The following AHI1 variants were observed in gnomAD, a reference collection of about 807,000 sequenced individuals.
AHI1 encodes jouberin.
AHI1 carries 123 observed loss-of-function variants against 149.3 expected under a neutral mutation model. The observed-to-expected ratio is 0.82, with a 90% CI of 0.71 to 0.96. AHI1 has a LOEUF of 0.96. AHI1 is among the 40% of genes least tolerant of loss of function. The pLI is 0.00. For synonymous variants in AHI1, 475 were observed against 459.8 expected (o/e 1.03, Z -0.42); for missense variants, 1,439 against 1,422.7 (o/e 1.01, Z -0.18).
intron 24 of AHI1, among the ~76,000 whole-genome samples, chr6:135,344,056 T>C (rs891463060): frequency 6.6e-6 from 1 of 152,030 alleles, no homozygotes; most frequent in Non-Finnish European, 1.5e-5. Flanking sequence ...ACAAAATCTG[T>C]GGATGTTCAA....
chr6:135,285,328 TAGC>T lies in AHI1; in HGVS notation c.*314_*316del. Reference sequence around the variant, plus strand: ...ACACCTTTTATTCACATTTGCTGAGTAGCAATTACAGTGTTTTCTTCATTAGTT... The same window carrying T: ...ACACCTTTTATTCACATTTGCTGAGTAATTACAGTGTTTTCTTCATTAGTT... On this transcript the variant is annotated 3_prime_UTR_variant, in exon 29 of 29. Coordinates refer to ENST00000265602, the MANE Select transcript of AHI1 (RefSeq NM_001134831.2). 1 of 426,308 alleles carries T rather than the reference TAGC, an allele frequency of 2.3e-6. No individual in the cohort carries two copies. The highest frequency in any genetic ancestry group is 4.2e-6 in the Non-Finnish European group (1 of 236,300). The allele number at this position is 426,308 out of a possible 1,614,324, so 26.4% of individuals were successfully genotyped here.
At chr6:135,416,017 A>G (rs945428969) in intron 20 of AHI1, among the ~76,000 whole-genome samples, 6 of 152,160 alleles carry the variant, frequency 3.9e-5, no homozygotes, top group Non-Finnish European at 7.4e-5. Context: ...AAAGGGCACA[A>G]AGTAACTTTT....
chr6:135,389,184 A>G (rs1207437954), intron 23 of AHI1, among the ~76,000 whole-genome samples: 4 of 150,016 alleles, frequency 2.7e-5, no homozygotes, highest in South Asian at 2.1e-4. Context: ...GGTGGCGGGC[A>G]CCTGTAGTCC....
At chr6:135,312,323 G>A (rs1246710308) in intron 26 of AHI1, among the ~76,000 whole-genome samples, 1 of 152,060 alleles carries the variant, frequency 6.6e-6, no homozygotes, top group Non-Finnish European at 1.5e-5. Flanking sequence ...GGCCAGCCTG[G>A]CCAAACTAGT....
Position 135,455,940 on chromosome 6 carries a change from G to T in AHI1, c.1152-14C>A. On this transcript the variant is annotated splice_polypyrimidine_tract_variant and intron_variant, in intron 9 of 28. Coordinates refer to ENST00000265602, the MANE Select transcript of AHI1 (RefSeq NM_001134831.2). ...ACAGGCCGTCCACTGTACAAAAAAA[G>T]ATACTTCCATTAACACAATTTTCAT... The T allele has an allele frequency of 7.2e-7, 1 of 1,381,252 alleles. No individual in the cohort carries two copies. Among genetic ancestry groups the T allele is most frequent in the Non-Finnish European group, 9.5e-7 (1 of 1,054,094 alleles). 85.6% of individuals were successfully genotyped at this position (1,381,252 alleles called of 1,614,324 possible).
At chr6:135,295,614 T>C (rs150603794) in intron 27 of AHI1, among the ~76,000 whole-genome samples, 24 of 152,244 alleles carry the variant, frequency 1.6e-4, no homozygotes, top group African/African-American at 5.5e-4. Flanking sequence ...GATTCAAAGG[T>C]CCATCCACAA....
chr6:135,383,226 CTTTTTTTT>C (rs764546253), intron 23 of AHI1, among the ~76,000 whole-genome samples: 1 of 76,870 alleles, frequency 1.3e-5, no homozygotes, highest in Non-Finnish European at 2.2e-5. Context: ...TCCCCCCTCC[CTTTTTTTT>C]TTTTTTTTTT....
intron 5 of AHI1, among the ~76,000 whole-genome samples, chr6:135,476,420 G>C (rs918912040): frequency 1.3e-5 from 2 of 150,840 alleles, no homozygotes; most frequent in African/African-American, 4.9e-5. Context: ...TGTCTGTCTC[G>C]GTGAATATTC....
intron 5 of AHI1, among the ~76,000 whole-genome samples, chr6:135,482,459 GC>G (rs1793802880): frequency 6.6e-6 from 1 of 150,748 alleles, no homozygotes; most frequent in Non-Finnish European, 1.5e-5. Context: ...GGCCATGCCA[GC>G]CCACCACTGT....
chr6:135,360,206 CATA>C (rs1168166545), intron 23 of AHI1, among the ~76,000 whole-genome samples: 3 of 152,112 alleles, frequency 2.0e-5, no homozygotes, highest in Admixed American at 1.3e-4. Flanking sequence ...ATTGAAAGCT[CATA>C]ATAAGTAGCA....
intron 23 of AHI1, among the ~76,000 whole-genome samples, chr6:135,375,162 T>C (rs1041587415): frequency 1.3e-5 from 2 of 152,218 alleles, no homozygotes; most frequent in Non-Finnish European, 2.9e-5. Context: ...TGTAGCATCA[T>C]ATAAATGTGA....
intron 24 of AHI1, among the ~76,000 whole-genome samples, chr6:135,352,733 ACAC>A (rs1385750145): frequency 9.4e-5 from 14 of 149,298 alleles, no homozygotes; most frequent in Non-Finnish European, 1.3e-4. Flanking sequence ...ACACACACAC[ACAC>A]AATATATATA....
intron 23 of AHI1, among the ~76,000 whole-genome samples, chr6:135,364,752 C>T (rs960232053): frequency 1.1e-4 from 16 of 152,352 alleles, no homozygotes; most frequent in Admixed American, 4.6e-4. Flanking sequence ...ACCAGTCAGG[C>T]GTGGCGGCGC....
chr6:135,443,908 T>A (rs1015265203), intron 13 of AHI1, among the ~76,000 whole-genome samples: 3 of 152,148 alleles, frequency 2.0e-5, no homozygotes, highest in African/African-American at 7.2e-5. Context: ...GGAGGCTTTA[T>A]AACCACTTGC....
chr6:135,329,686 T>C lies in AHI1; in HGVS notation c.3166-6362A>G, dbSNP rs77952217. 4.0e-3 allele frequency among the ~76,000 whole-genome samples: 612 copies of C among 152,324 alleles called. 1 individual carries two copies. Among genetic ancestry groups the C allele is most frequent in the African/African-American group, 0.014 (588 of 41,556 alleles). ...AGTTTTGACTTTCAGGTTTTGTTATTTAAGAAATGTATTTCTTAAGTCCAT... is the reference window on the plus strand; with the variant it reads ...AGTTTTGACTTTCAGGTTTTGTTATCTAAGAAATGTATTTCTTAAGTCCAT... On this transcript the variant is annotated intron_variant, in intron 24 of 28. Coordinates refer to ENST00000265602, the MANE Select transcript of AHI1 (RefSeq NM_001134831.2).
intron 5 of AHI1, among the ~76,000 whole-genome samples, chr6:135,487,415 T>C (rs1794638847): frequency 6.6e-6 from 1 of 152,162 alleles, no homozygotes; most frequent in Non-Finnish European, 1.5e-5. Context: ...CATATACATA[T>C]ATCTAATGTA....
chr6:135,380,366 TATAAG>T (rs1347786259), intron 23 of AHI1, among the ~76,000 whole-genome samples: 1 of 152,166 alleles, frequency 6.6e-6, no homozygotes, highest in Non-Finnish European at 1.5e-5. Flanking sequence ...TATTAGGTAT[TATAAG>T]TAATCTAGAG....
At chr6:135,298,920 A>C (rs936544946) in intron 27 of AHI1, among the ~76,000 whole-genome samples, 2 of 152,132 alleles carry the variant, frequency 1.3e-5, no homozygotes, top group African/African-American at 4.8e-5. Context: ...AAGTTCTAAA[A>C]ATTTTTATGA....
At position 135,362,876 on chromosome 6, in the gene AHI1, A is replaced by G. The variant is rs751917859; in HGVS notation, c.3110-4689T>C. The stretch of plus-strand genomic sequence containing the variant: ...AAGCCTTTTAGTTTAAGTTCCATCT[A>G]TTTATCTTTGTTTTTGTTGCAATTG... On this transcript the variant is annotated intron_variant, in intron 23 of 28. Transcript: ENST00000265602. 8.6e-5 allele frequency among the ~76,000 whole-genome samples: 13 copies of G among 151,864 alleles called. No individual in the cohort carries two copies. The South Asian group carries it at 2.7e-3, about 32-fold the overall frequency.
Sources: gnomAD v4.1 joint callset for allele counts (sites outside exome capture counted in the v4.1 genomes callset) on GRCh38, gnomAD v4.1.1 for gene constraint, MANE v1.5 for transcripts, NCBI Gene and HGNC (gene_info 2026-07-23, HGNC 2026-07-21) for gene names.